CTIF: variants seen among roughly 807,000 people sequenced by gnomAD.
The protein encoded by CTIF is cap binding complex dependent translation initiation factor.
A neutral mutation model predicts 66.0 loss-of-function variants in CTIF; 21 were observed. That is an observed-to-expected ratio of 0.32 (90% CI 0.23 to 0.46). The LOEUF is 0.46. CTIF is among the 20% of genes least tolerant of loss of function. CTIF has a pLI of 1.00. For missense variants in CTIF, 739 were observed against 812.7 expected, an observed-to-expected ratio of 0.91 and a Z score of 1.10; for synonymous variants, 345 against 326.4, an observed-to-expected ratio of 1.06 and a Z score of -0.62.
chr18:48,543,503 G>T (rs1280315277), intron 1 of CTIF, among the ~76,000 whole-genome samples: 1 of 152,142 alleles, frequency 6.6e-6, no homozygotes, highest in Admixed American at 6.5e-5. Context: ...TGCTATAATG[G>T]TGGCCTTCTC....
intron 7 of CTIF, among the ~76,000 whole-genome samples, chr18:48,752,760 G>T (rs1907962911): frequency 1.3e-5 from 2 of 152,176 alleles, no homozygotes; most frequent in African/African-American, 4.8e-5. Flanking sequence ...TCCTGCGGGG[G>T]ACACCCATCA....
At chr18:48,708,322 C>T (rs1001158554) in intron 6 of CTIF, among the ~76,000 whole-genome samples, 2 of 152,200 alleles carry the variant, frequency 1.3e-5, no homozygotes, top group Admixed American at 6.5e-5. Context: ...CTGTTAACAC[C>T]CAAGTGTTCT....
chr18:48,610,679 TC>T (rs1296457355), intron 1 of CTIF, among the ~76,000 whole-genome samples: 1 of 152,202 alleles, frequency 6.6e-6, no homozygotes, highest in Non-Finnish European at 1.5e-5. Flanking sequence ...ATCCATGGCA[TC>T]TCCCTTGCCT....
intron 1 of CTIF, among the ~76,000 whole-genome samples, chr18:48,592,588 C>A (rs764748268): frequency 2.6e-5 from 4 of 152,184 alleles, no homozygotes; most frequent in Non-Finnish European, 2.9e-5. Flanking sequence ...GGGGCTTGGC[C>A]TCATGGGAGA....
chr18:48,546,179 C>CTTT (rs1025903369), intron 1 of CTIF, among the ~76,000 whole-genome samples: 1 of 152,128 alleles, frequency 6.6e-6, no homozygotes, highest in Admixed American at 6.5e-5. Context: ...TGGAATGCAA[C>CTTT]TTAAATAGAG....
At chr18:48,827,930 G>A (rs891326554) in intron 10 of CTIF, among the ~76,000 whole-genome samples, 3 of 151,808 alleles carry the variant, frequency 2.0e-5, no homozygotes, top group Non-Finnish European at 4.4e-5. Flanking sequence ...ATAAACACAC[G>A]GAAGCGGCCC....
At chr18:48,783,812 G>C (rs1911466217) in intron 9 of CTIF, among the ~76,000 whole-genome samples, 1 of 152,014 alleles carries the variant, frequency 6.6e-6, no homozygotes, top group African/African-American at 2.4e-5. Flanking sequence ...CTCCAGGCAA[G>C]CGCTGCCTGC....
intron 7 of CTIF, among the ~76,000 whole-genome samples, chr18:48,719,834 A>G (rs1283186687): frequency 1.3e-5 from 2 of 152,208 alleles, no homozygotes; most frequent in Non-Finnish European, 2.9e-5. Flanking sequence ...TCTTAAGCGC[A>G]AGGAGGCTGT....
chr18:48,681,946 C>T (rs557964522), intron 6 of CTIF, among the ~76,000 whole-genome samples: 13 of 152,204 alleles, frequency 8.5e-5, no homozygotes, highest in Middle Eastern at 3.4e-3. Context: ...CCACCACACC[C>T]GGCTAATTTT....
chr18:48,614,755 G>A (rs61059218), intron 1 of CTIF, among the ~76,000 whole-genome samples: 2 of 152,186 alleles, frequency 1.3e-5, no homozygotes, highest in African/African-American at 2.4e-5. Context: ...TCTGGAAATA[G>A]ATAGTGATGA....
chr18:48,566,519 A>T (rs1300218908), intron 1 of CTIF: 1 of 152,276 alleles, frequency 6.6e-6, no homozygotes, highest in Non-Finnish European at 1.5e-5. Flanking sequence ...GGAGATTTTC[A>T]TGGCTAAGTC....
At chr18:48,731,625 A>G (rs567459335) in intron 7 of CTIF, among the ~76,000 whole-genome samples, 20 of 152,374 alleles carry the variant, frequency 1.3e-4, no homozygotes, top group Admixed American at 3.3e-4. Flanking sequence ...GGATTTCTTC[A>G]AAGTCTTATA....
chr18:48,847,971 GT>G (rs2069116387), intron 10 of CTIF, among the ~76,000 whole-genome samples: 1 of 152,178 alleles, frequency 6.6e-6, no homozygotes, highest in East Asian at 1.9e-4. Context: ...TGTCCTCCAG[GT>G]TTGGCTGTAG....
At chr18:48,855,754 G>A (rs554068707) in intron 10 of CTIF, among the ~76,000 whole-genome samples, 2 of 152,316 alleles carry the variant, frequency 1.3e-5, no homozygotes, top group South Asian at 4.1e-4. Flanking sequence ...CCAGGGACCT[G>A]GAAAAGTGGG....
In CTIF at chr18:48,713,699, G is replaced by A. The variant is rs1202222091; in HGVS notation, c.584+2004G>A. Among the ~76,000 whole-genome samples the A allele has an allele frequency of 3.9e-5, 6 of 152,298 alleles. No homozygotes were observed. The South Asian group carries it at 6.2e-4, about 16-fold the overall frequency. On this transcript the variant is annotated intron_variant, in intron 7 of 11. Coordinates refer to ENST00000256413, the MANE Select transcript of CTIF (RefSeq NM_014772.3). ...GAGGAGGCCGGAGGGAAGGAACATCGTGCCGTGAAACTCATGAAAGATTTA... is the reference window on the plus strand; with the variant it reads ...GAGGAGGCCGGAGGGAAGGAACATCATGCCGTGAAACTCATGAAAGATTTA...
At chr18:48,690,873 G>C (rs914592431) in intron 6 of CTIF, among the ~76,000 whole-genome samples, 1 of 152,022 alleles carries the variant, frequency 6.6e-6, no homozygotes. Flanking sequence ...AATCAAGCAA[G>C]ACAATAATGG....
At chr18:48,814,233 AT>A (rs1426649599) in intron 9 of CTIF, among the ~76,000 whole-genome samples, 1 of 152,208 alleles carries the variant, frequency 6.6e-6, no homozygotes, top group Non-Finnish European at 1.5e-5. Flanking sequence ...GAGGGGCACC[AT>A]TTTAACACCC....
At chr18:48,728,902 T>G (rs1282372749) in intron 7 of CTIF, among the ~76,000 whole-genome samples, 4 of 152,126 alleles carry the variant, frequency 2.6e-5, no homozygotes, top group African/African-American at 9.7e-5. Flanking sequence ...TGTCAGGAGG[T>G]GGGGACCACT....
chr18:48,769,043 C>G lies in CTIF; in HGVS notation c.1371+7354C>G, dbSNP rs190144922. 5.0e-4 allele frequency among the ~76,000 whole-genome samples: 76 copies of G among 152,290 alleles called. No individual in the cohort carries two copies. In the East Asian group the frequency reaches 0.014, roughly 28 times the overall value. On this transcript the variant is annotated intron_variant, in intron 9 of 11. Coordinates refer to ENST00000256413, the MANE Select transcript of CTIF (RefSeq NM_014772.3). ...GAGGTCAAGGGTACCTGAAGAAACC[C>G]CTGCACTCTCCATTCGCCCTAGTCC...
Sources: gnomAD v4.1 joint callset for allele counts (sites outside exome capture counted in the v4.1 genomes callset) on GRCh38, gnomAD v4.1.1 for gene constraint, MANE v1.5 for transcripts, NCBI Gene and HGNC (gene_info 2026-07-23, HGNC 2026-07-21) for gene names.